DEPDC1B: variants seen among roughly 807,000 people sequenced by gnomAD.
The protein encoded by DEPDC1B is DEP domain containing 1B, also known as DEP domain-containing protein 1B.
Under a neutral mutation model 66.5 loss-of-function variants are expected in DEPDC1B, and 51 were observed. The observed-to-expected ratio is 0.77, with a 90% CI of 0.61 to 0.97. DEPDC1B has a LOEUF of 0.97. DEPDC1B is among the 50% of genes least tolerant of loss of function. The probability of loss-of-function intolerance (pLI) is 0.00; values close to 1 mark genes in which losing one functional copy is unlikely to be tolerated. For missense variants in DEPDC1B, 552 were observed against 637.1 expected (o/e 0.87, Z 1.44); for synonymous variants, 226 against 223.6 (o/e 1.01, Z -0.10).
intron 6 of DEPDC1B, among the ~76,000 whole-genome samples, chr5:60,639,697 T>C (rs1753143726): frequency 1.3e-5 from 2 of 152,104 alleles, no homozygotes; most frequent in Non-Finnish European, 2.9e-5. Flanking sequence ...GCTCCACCAA[T>C]CCATCCACAG....
chr5:60,681,486 T>C (rs1048036829), intron 2 of DEPDC1B, among the ~76,000 whole-genome samples: 3 of 152,074 alleles, frequency 2.0e-5, no homozygotes, highest in African/African-American at 7.2e-5. Flanking sequence ...ACACTATAGA[T>C]AGATCTACAG....
At chr5:60,615,352 G>A (rs6449481) in intron 7 of DEPDC1B, among the ~76,000 whole-genome samples, 2 of 152,056 alleles carry the variant, frequency 1.3e-5, no homozygotes, top group East Asian at 1.9e-4. Context: ...GTGACGCATC[G>A]CCTCACCTGG....
At chr5:60,699,801 C>T (rs1267037151) in intron 1 of DEPDC1B, among the ~76,000 whole-genome samples, 1 of 152,210 alleles carries the variant, frequency 6.6e-6, no homozygotes, top group African/African-American at 2.4e-5. Context: ...CATCTACTGC[C>T]GAGAACCCAG....
At chr5:60,637,108 A>G (rs1753061401) in intron 7 of DEPDC1B, among the ~76,000 whole-genome samples, 1 of 152,252 alleles carries the variant, frequency 6.6e-6, no homozygotes, top group Non-Finnish European at 1.5e-5. Context: ...TTTTAATACA[A>G]TCTTTAAAAC....
chr5:60,641,841 T>C (rs370014425), intron 6 of DEPDC1B, among the ~76,000 whole-genome samples: 1 of 152,012 alleles, frequency 6.6e-6, no homozygotes, highest in East Asian at 1.9e-4. Flanking sequence ...CAAAAACCAA[T>C]GAAAATGTTA....
At chr5:60,607,935 G>A (rs534494704) in intron 7 of DEPDC1B, among the ~76,000 whole-genome samples, 210 of 152,294 alleles carry the variant, frequency 1.4e-3, no homozygotes, top group Admixed American at 3.3e-3. Context: ...AGGCAGCCAA[G>A]GGGGCAGATC....
At chr5:60,623,110 T>C (rs11948543) in intron 7 of DEPDC1B, among the ~76,000 whole-genome samples, 69,916 of 151,988 alleles carry the variant, frequency 0.46, 17,360 homozygotes, top group East Asian at 0.57. Context: ...GGAAGGTTTT[T>C]AGATATCTCT....
chr5:60,696,703 G>C (rs542384858), intron 1 of DEPDC1B, among the ~76,000 whole-genome samples: 1 of 151,778 alleles, frequency 6.6e-6, no homozygotes, highest in Non-Finnish European at 1.5e-5. Context: ...AACACTTTTT[G>C]TTTTGCTCTA....
intron 7 of DEPDC1B, among the ~76,000 whole-genome samples, chr5:60,614,386 G>C (rs1432600576): frequency 6.6e-6 from 1 of 152,024 alleles, no homozygotes; most frequent in Non-Finnish European, 1.5e-5. Flanking sequence ...TTTTGTTTAA[G>C]AGACAGGGTC....
At chr5:60,606,313 C>A (rs1317544041) in intron 7 of DEPDC1B, among the ~76,000 whole-genome samples, 2 of 152,180 alleles carry the variant, frequency 1.3e-5, no homozygotes, top group Non-Finnish European at 2.9e-5. Flanking sequence ...AAATAAAGGA[C>A]TGATGCCCAC....
Position 60,625,768 on chromosome 5 carries a change from CT to C in DEPDC1B, c.898+12981del, listed in dbSNP as rs1752797366. On this transcript the variant is annotated intron_variant, in intron 7 of 10. Coordinates refer to ENST00000265036, the MANE Select transcript of DEPDC1B (RefSeq NM_018369.3). ...AAATATTTCCCATAGGTCATTGAGGCTGTATTTTTGGTTGGCTTTTGTTTTG... is the reference window on the plus strand; with the variant it reads ...AAATATTTCCCATAGGTCATTGAGGCGTATTTTTGGTTGGCTTTTGTTTTG... 2.0e-5 allele frequency among the ~76,000 whole-genome samples: 3 copies of C among 152,044 alleles called. No homozygotes were observed. In the South Asian group the frequency reaches 6.2e-4, roughly 32 times the overall value.
chr5:60,643,067 T>G (rs1753227291), intron 5 of DEPDC1B, among the ~76,000 whole-genome samples: 1 of 152,082 alleles, frequency 6.6e-6, no homozygotes, highest in South Asian at 2.1e-4. Flanking sequence ...AAATAATGCC[T>G]ACAGATTTCT....
intron 2 of DEPDC1B, among the ~76,000 whole-genome samples, chr5:60,673,680 A>C (rs1754095702): frequency 1.3e-5 from 2 of 152,184 alleles, no homozygotes; most frequent in South Asian, 4.1e-4. Context: ...AACTTTTATA[A>C]ATCTAGTCTT....
chr5:60,689,317 A>G (rs1004567666), intron 1 of DEPDC1B, among the ~76,000 whole-genome samples: 11 of 152,206 alleles, frequency 7.2e-5, no homozygotes, highest in Non-Finnish European at 1.0e-4. Flanking sequence ...GTGAAGTTAT[A>G]TCAGTGAGGA....
rs111521546 is a variant in DEPDC1B, at chr5:60,664,905, A to G, written c.315-17372T>C. 1.2e-3 allele frequency among the ~76,000 whole-genome samples: 190 copies of G among 152,348 alleles called. 2 individuals are homozygous for G. Among genetic ancestry groups the G allele is most frequent in the African/African-American group, 4.5e-3 (189 of 41,590 alleles). On this transcript the variant is annotated intron_variant, in intron 2 of 10. Coordinates refer to ENST00000265036, the MANE Select transcript of DEPDC1B (RefSeq NM_018369.3). ...CTAACTTCCAAGGGAACACCTATCA[A>G]ACATCAGGAAGCCATTAGGAAATTA...
At chr5:60,689,911 G>T (rs1754504805) in intron 1 of DEPDC1B, among the ~76,000 whole-genome samples, 1 of 152,066 alleles carries the variant, frequency 6.6e-6, no homozygotes, top group South Asian at 2.1e-4. Context: ...GTGTAGTGGT[G>T]TGTGCCTGTA....
At chr5:60,629,133 CT>C (rs1189824318) in intron 7 of DEPDC1B, among the ~76,000 whole-genome samples, 1 of 152,170 alleles carries the variant, frequency 6.6e-6, no homozygotes, top group Non-Finnish European at 1.5e-5. Context: ...CTCCGGGGAG[CT>C]TTTCTTACAT....
chr5:60,652,165 T>C (rs1584066911), intron 2 of DEPDC1B, among the ~76,000 whole-genome samples: 2 of 149,486 alleles, frequency 1.3e-5, no homozygotes, highest in East Asian at 2.0e-4. Flanking sequence ...AGAAGAAATA[T>C]GCACATGTGC....
At position 60,635,363 on chromosome 5, in the gene DEPDC1B, C is replaced by G. The variant is rs190473399; in HGVS notation, c.898+3387G>C. ...ACAAAAGAACCAATGAATGGAAACC[C>G]TAACCTTAAGGATGTTTCTAGGTTA... On this transcript the variant is annotated intron_variant, in intron 7 of 10. Transcript: ENST00000265036. Among the ~76,000 whole-genome samples, 4 of 152,092 alleles carry G rather than the reference C, an allele frequency of 2.6e-5. No individual in the cohort carries two copies. In the East Asian group the frequency reaches 7.8e-4, roughly 29 times the overall value.
Sources: gnomAD v4.1 joint callset for allele counts (sites outside exome capture counted in the v4.1 genomes callset) on GRCh38, gnomAD v4.1.1 for gene constraint, MANE v1.5 for transcripts, NCBI Gene and HGNC (gene_info 2026-07-23, HGNC 2026-07-21) for gene names.